Variants in MTMR3 observed in about 807,000 individuals in gnomAD.
MTMR3 encodes myotubularin related protein 3, also known as phosphatidylinositol-3,5-bisphosphate 3-phosphatase MTMR3.
In MTMR3, 32 loss-of-function variants were observed where a neutral mutation model predicts 132.4. That is an observed-to-expected ratio of 0.24 (90% CI 0.18 to 0.32). The LOEUF (loss-of-function observed/expected upper bound fraction) is 0.32. MTMR3 is among the 10% of genes least tolerant of loss of function. The pLI, the probability that MTMR3 is intolerant of heterozygous loss-of-function variation, is 1.00. For synonymous variants in MTMR3, 556 were observed against 550.3 expected (o/e 1.01, Z -0.14); for missense variants, 1,216 against 1,489.6 (o/e 0.82, Z 3.02).
chr22:29,891,028 G>GAAAA (rs796599768), intron 1 of MTMR3, among the ~76,000 whole-genome samples: 1 of 108,332 alleles, frequency 9.2e-6, no homozygotes, highest in East Asian at 2.7e-4. Flanking sequence ...CATCTCTTTA[G>GAAAA]AAAAAAAAAA....
At chr22:30,009,824 G>C (rs1356350386) in intron 12 of MTMR3, 2 of 152,200 alleles carry the variant, frequency 1.3e-5, no homozygotes, top group Non-Finnish European at 2.9e-5. Context: ...GGAAGCCAGA[G>C]ATAGGTGCCA....
At chr22:29,972,447 A>G (rs1569030836) in intron 3 of MTMR3, among the ~76,000 whole-genome samples, 1 of 152,110 alleles carries the variant, frequency 6.6e-6, no homozygotes, top group South Asian at 2.1e-4. Context: ...TGTGTGTACT[A>G]GTTGGGGAGT....
At position 29,958,047 on chromosome 22, in the gene MTMR3, C is replaced by T. The variant is rs2066235675; in HGVS notation, c.-85+959C>T. On this transcript the variant is annotated intron_variant, in intron 2 of 19. Coordinates refer to ENST00000401950, the MANE Select transcript of MTMR3 (RefSeq NM_021090.4). ...TACTACCTGTAGTTTCAGGGATCCA[C>T]AGGGGGTCTTGGAACATATTCCCCG... Among the ~76,000 whole-genome samples, 3 of 152,062 alleles carry T rather than the reference C, an allele frequency of 2.0e-5. No individual in the cohort carries two copies. The South Asian group carries it at 6.2e-4, about 32-fold the overall frequency.
chr22:30,007,023 A>G, intron 9 of MTMR3, 91 bp from the exon 10 acceptor site: 1 of 1,348,984 alleles, frequency 7.4e-7, no homozygotes, highest in Non-Finnish European at 1.0e-6. Context: ...ACCTAGAATT[A>G]GACTGTTCAT....
At chr22:29,901,917 T>C (rs1391897987) in intron 1 of MTMR3, among the ~76,000 whole-genome samples, 1 of 152,218 alleles carries the variant, frequency 6.6e-6, no homozygotes, top group East Asian at 1.9e-4. Context: ...GAGCATTCCA[T>C]TGTATGGATG....
chr22:29,965,362 C>T (rs1039245478), intron 2 of MTMR3, among the ~76,000 whole-genome samples: 1 of 151,998 alleles, frequency 6.6e-6, no homozygotes, highest in African/African-American at 2.4e-5. Flanking sequence ...ACTTTTAATG[C>T]CGAGTGGCAA....
intron 1 of MTMR3, among the ~76,000 whole-genome samples, chr22:29,950,142 C>T (rs1363313122): frequency 6.6e-6 from 1 of 152,160 alleles, no homozygotes; most frequent in Non-Finnish European, 1.5e-5. Flanking sequence ...TGGAGCTAGT[C>T]TTTCTGATCT....
intron 5 of MTMR3, chr22:29,985,028 T>C (rs900080811): frequency 1.3e-5 from 2 of 152,238 alleles, no homozygotes; most frequent in Admixed American, 1.3e-4. Flanking sequence ...CTTGAATCTG[T>C]AATTTGCTTT....
At chr22:30,008,152 G>A (rs1223490232) in intron 11 of MTMR3, 120 bp downstream of exon 11, 9 of 1,307,730 alleles carry the variant, frequency 6.9e-6, no homozygotes, top group East Asian at 4.9e-5. Context: ...CCATCCTGTC[G>A]TGAGAGTGCC....
chr22:30,008,115 A>G, intron 11 of MTMR3, 83 bp downstream of exon 11: 1 of 1,552,158 alleles, frequency 6.4e-7, no homozygotes, highest in Non-Finnish European at 8.8e-7. Context: ...TCCCAATTTG[A>G]AATAAGTGGC....
chr22:30,020,529 A>G lies in MTMR3; in HGVS notation c.2870A>G (p.His957Arg), dbSNP rs2067717651. The part of the protein sequence containing the change: ...TLQMYPTPNG[H>R]CANGEAGRSK... The stretch of plus-strand genomic sequence containing the variant: ...CAGATGTACCCCACACCCAATGGGC[A>G]TTGCGCCAATGGGGAGGCTGGTAGG... Residue 957 changes from histidine (H) to arginine (R), a missense_variant, in exon 17 of 20, where the codon CAT (histidine) becomes CGT (arginine). His to Arg is a conservative substitution (Grantham distance 29, BLOSUM62 0). This residue lies in a region of MTMR3 where 852 missense variants were observed against 852.0 expected (regional missense o/e 1.00). Coordinates refer to ENST00000401950, the MANE Select transcript of MTMR3 (RefSeq NM_021090.4). 2 of 1,614,036 alleles carry G rather than the reference A, an allele frequency of 1.2e-6. No individual in the cohort carries two copies. Among genetic ancestry groups the G allele is most frequent in the Admixed American group, 1.7e-5 (1 of 60,014 alleles).
At chr22:30,010,056 GGAAAGCCTGACCGGA>G (rs1466171800) in intron 12 of MTMR3, 2 of 152,192 alleles carry the variant, frequency 1.3e-5, no homozygotes, top group African/African-American at 4.8e-5. Flanking sequence ...GTGCCTTTGG[GGAAAGCCTGACCGGA>G]GAATTGAGCT....
chr22:29,935,928 A>G (rs1383339549), intron 1 of MTMR3, among the ~76,000 whole-genome samples: 2 of 151,826 alleles, frequency 1.3e-5, no homozygotes, highest in Non-Finnish European at 2.9e-5. Context: ...AATTTTTAGT[A>G]TTTTTAGTAG....
intron 1 of MTMR3, among the ~76,000 whole-genome samples, chr22:29,937,667 T>C (rs752933012): frequency 1.3e-5 from 2 of 152,216 alleles, no homozygotes. Flanking sequence ...GAGTCTCAAG[T>C]GTAAACACAT....
At chr22:29,884,238 T>G (rs1180801784) in intron 1 of MTMR3, among the ~76,000 whole-genome samples, 1 of 151,666 alleles carries the variant, frequency 6.6e-6, no homozygotes, top group East Asian at 1.9e-4. Context: ...GATTCTGACA[T>G]CTATTTTTCC....
chr22:29,959,604 C>T (rs2066268822), intron 2 of MTMR3, among the ~76,000 whole-genome samples: 1 of 152,018 alleles, frequency 6.6e-6, no homozygotes, highest in African/African-American at 2.4e-5. Context: ...GTCTCGAACT[C>T]CTGATTTCCA....
At chr22:29,967,250 C>CGCGA (rs2066446156) in intron 2 of MTMR3, among the ~76,000 whole-genome samples, 2 of 147,694 alleles carry the variant, frequency 1.4e-5, no homozygotes, top group Non-Finnish European at 3.0e-5. Flanking sequence ...CGCGCGCGCG[C>CGCGA]ATGTTTTTTA....
At chr22:29,928,850 G>T (rs543574101) in intron 1 of MTMR3, among the ~76,000 whole-genome samples, 3 of 152,116 alleles carry the variant, frequency 2.0e-5, no homozygotes, top group Non-Finnish European at 4.4e-5. Context: ...GAATATTTGC[G>T]CCGACTTTGT....
At chr22:29,907,988 G>A (rs1048016489) in intron 1 of MTMR3, among the ~76,000 whole-genome samples, 5 of 152,170 alleles carry the variant, frequency 3.3e-5, no homozygotes, top group Non-Finnish European at 7.3e-5. Flanking sequence ...TCAAAGCTTC[G>A]TGCTATGATT....
Sources: gnomAD v4.1 joint callset for allele counts (sites outside exome capture counted in the v4.1 genomes callset) on GRCh38, gnomAD v4.1.1 for gene constraint, gnomAD v4.1.1 regional missense constraint, MANE v1.5 for transcripts, NCBI Gene and HGNC (gene_info 2026-07-23, HGNC 2026-07-21) for gene names.